Variants in COBL observed in about 807,000 individuals in gnomAD.
COBL encodes the protein protein cordon-bleu.
In COBL, 51 loss-of-function variants were observed where a neutral mutation model predicts 98.8. The observed-to-expected ratio is 0.52, with a 90% CI of 0.41 to 0.65. COBL has a LOEUF of 0.65. COBL is among the 30% of genes least tolerant of loss of function. The pLI is 0.00. For synonymous variants in COBL, 634 were observed against 651.7 expected (o/e 0.97, Z 0.41); for missense variants, 1,617 against 1,617.5 (o/e 1.00, Z 0.01).
At chr7:51,032,407 T>C (rs1388490330) in intron 8 of COBL, 1 of 152,262 alleles carries the variant, frequency 6.6e-6, no homozygotes, top group Non-Finnish European at 1.5e-5. Flanking sequence ...CTATGGCAAT[T>C]GTCTATCTTC....
intron 1 of COBL, among the ~76,000 whole-genome samples, chr7:51,239,926 T>C (rs1795618092): frequency 6.6e-6 from 1 of 152,340 alleles, no homozygotes; most frequent in East Asian, 1.9e-4. Context: ...ATGATCTCTG[T>C]CACAGCTACT....
intron 2 of COBL, among the ~76,000 whole-genome samples, chr7:51,200,018 T>G (rs1179840958): frequency 6.6e-6 from 1 of 152,132 alleles, no homozygotes; most frequent in African/African-American, 2.4e-5. Flanking sequence ...AAGAGACAAT[T>G]TTGAAAGCAG....
At chr7:51,155,823 G>A (rs1786072936) in intron 5 of COBL, among the ~76,000 whole-genome samples, 1 of 152,030 alleles carries the variant, frequency 6.6e-6, no homozygotes, top group Non-Finnish European at 1.5e-5. Flanking sequence ...GCTTAGAACT[G>A]ACCTGAAGCA....
chr7:51,029,420 T>C lies in COBL; in HGVS notation c.1676A>G (p.Asn559Ser), dbSNP rs376884962. 119 of 1,614,034 alleles carry C rather than the reference T, an allele frequency of 7.4e-5. No homozygotes were observed. Among genetic ancestry groups the C allele is most frequent in the Non-Finnish European group, 9.4e-5 (111 of 1,180,014 alleles). The change falls in exon 10 of 13, where the codon AAT (asparagine) becomes AGT (serine). Residue 559 changes from asparagine (N) to serine (S), a missense_variant. Asn to Ser is a conservative substitution (Grantham distance 46, BLOSUM62 1). Around this residue, in one of 3 missense-constraint regions of COBL, gnomAD observed 1,304 missense variants for 1,282.0 expected, o/e 1.02. Transcript: ENST00000265136. ...GAAAGACCCAGCATTGTTGTTTCTA[T>C]TGGAAAACAACCCCGAATCCACAGG... ...DDPVDSGLFSNRNNNAGSFDS... is the reference protein window; with the variant it reads ...DDPVDSGLFSSRNNNAGSFDS...
intron 2 of COBL, among the ~76,000 whole-genome samples, chr7:51,209,189 C>T (rs2129074789): frequency 6.6e-6 from 1 of 152,248 alleles, no homozygotes; most frequent in Non-Finnish European, 1.5e-5. Context: ...CAAACCCAAT[C>T]CTACAAGAAT....
chr7:51,073,373 G>A (rs749135071), intron 7 of COBL: 8 of 694,146 alleles, frequency 1.2e-5, no homozygotes, highest in South Asian at 7.5e-5. Context: ...AGGGAATGAC[G>A]CACAGCAATA....
intron 1 of COBL, among the ~76,000 whole-genome samples, chr7:51,275,682 C>G (rs1799249051): frequency 6.6e-6 from 1 of 152,224 alleles, no homozygotes; most frequent in African/African-American, 2.4e-5. Flanking sequence ...CAGCCACCAC[C>G]AGCCGTGACT....
chr7:51,206,858 G>C (rs1360142194), intron 2 of COBL, among the ~76,000 whole-genome samples: 1 of 152,214 alleles, frequency 6.6e-6, no homozygotes, highest in African/African-American at 2.4e-5. Context: ...AGTGGTTGCA[G>C]GGGCTGGGCA....
At chr7:51,153,758 C>T (rs549275479) in intron 5 of COBL, among the ~76,000 whole-genome samples, 18 of 152,330 alleles carry the variant, frequency 1.2e-4, no homozygotes, top group African/African-American at 3.4e-4. Flanking sequence ...TGGTGGGTAA[C>T]GTCAGGACAG....
At chr7:51,195,826 G>A (rs1049787541) in intron 2 of COBL, among the ~76,000 whole-genome samples, 3 of 151,976 alleles carry the variant, frequency 2.0e-5, no homozygotes, top group African/African-American at 7.2e-5. Flanking sequence ...GGAATGCTAG[G>A]GGTTTTTGTA....
chr7:51,286,288 T>G (rs1283804070), intron 1 of COBL, among the ~76,000 whole-genome samples: 1 of 150,722 alleles, frequency 6.6e-6, no homozygotes, highest in African/African-American at 2.4e-5. Flanking sequence ...TTTTCTACTC[T>G]TCCAAAGACA....
chr7:51,107,222 G>A (rs1488165254), intron 6 of COBL, among the ~76,000 whole-genome samples: 1 of 151,296 alleles, frequency 6.6e-6, no homozygotes, highest in African/African-American at 2.4e-5. Context: ...AGCCTCCTGA[G>A]TAGCTGGGAC....
At chr7:51,268,887 G>A (rs1019506523) in intron 1 of COBL, among the ~76,000 whole-genome samples, 5 of 148,048 alleles carry the variant, frequency 3.4e-5, no homozygotes, top group African/African-American at 7.5e-5. Flanking sequence ...CCAAGATCGC[G>A]CCATTGCACT....
At chr7:51,173,839 G>C (rs979021376) in intron 5 of COBL, among the ~76,000 whole-genome samples, 4 of 152,088 alleles carry the variant, frequency 2.6e-5, no homozygotes, top group Non-Finnish European at 5.9e-5. Flanking sequence ...AAAGATATTT[G>C]CTATCCTTTA....
At chr7:51,172,472 G>C (rs1216928162) in intron 5 of COBL, 3 of 1,288,326 alleles carry the variant, frequency 2.3e-6, no homozygotes, top group South Asian at 2.5e-5. Context: ...ACCCCTTCCT[G>C]GGGCAGCCCT....
chr7:51,125,539 G>C (rs73334820), intron 6 of COBL, among the ~76,000 whole-genome samples: 1 of 152,136 alleles, frequency 6.6e-6, no homozygotes, highest in African/African-American at 2.4e-5. Context: ...TACTCCTCCA[G>C]ACTATGTTTT....
intron 4 of COBL, among the ~76,000 whole-genome samples, chr7:51,184,751 CAT>C (rs1165336290): frequency 6.6e-6 from 1 of 152,022 alleles, no homozygotes; most frequent in Non-Finnish European, 1.5e-5. Flanking sequence ...GCAAGAGCCA[CAT>C]GAGGCCTGTG....
At position 51,219,763 on chromosome 7, in the gene COBL, T is replaced by C. The variant is rs1793436853; in HGVS notation, c.223A>G (p.Lys75Glu). 6.2e-7 allele frequency: 1 copy of C among 1,614,066 alleles called. No homozygotes were observed. The highest frequency in any genetic ancestry group is 2.2e-5 in the East Asian group (1 of 44,858). ...VTVVLPSGLEKRSVLNGSHAM... is the reference protein window; with the variant it reads ...VTVVLPSGLEERSVLNGSHAM... The stretch of plus-strand genomic sequence containing the variant: ...CACCTCCCATTGAGCACGCTCCTCT[T>C]CTCCAGCCCACTAGGCAGGACCACG... The change falls in exon 2 of 13, where the codon AAG becomes GAG. Residue 75 changes from lysine to glutamate, a missense_variant. Physicochemically the swap from Lys to Glu is moderately conservative, Grantham distance 56. Coordinates refer to ENST00000265136, the MANE Select transcript of COBL (RefSeq NM_015198.5).
In COBL at chr7:51,184,756, G is replaced by A. The variant is rs551813769; in HGVS notation, c.686-557C>T. On this transcript the variant is annotated intron_variant, in intron 4 of 12. Coordinates refer to ENST00000265136, the MANE Select transcript of COBL (RefSeq NM_015198.5). Reference sequence around the variant, plus strand: ...CTCGGTACATGCAAGAGCCACATGAGGCCTGTGGCTGCCAAATCAGCACAG... The same window carrying A: ...CTCGGTACATGCAAGAGCCACATGAAGCCTGTGGCTGCCAAATCAGCACAG... 5.3e-5 allele frequency among the ~76,000 whole-genome samples: 8 copies of A among 151,854 alleles called. No individual in the cohort carries two copies. The East Asian group carries it at 7.8e-4, about 15-fold the overall frequency.
Sources: gnomAD v4.1 joint callset for allele counts (sites outside exome capture counted in the v4.1 genomes callset) on GRCh38, gnomAD v4.1.1 for gene constraint, gnomAD v4.1.1 regional missense constraint, MANE v1.5 for transcripts, NCBI Gene and HGNC (gene_info 2026-07-23, HGNC 2026-07-21) for gene names.